FRAS1: variants seen among roughly 807,000 people sequenced by gnomAD.
FRAS1 encodes extracellular matrix organizing protein FRAS1.
A neutral mutation model predicts 435.2 loss-of-function variants in FRAS1; 290 were observed. The ratio of observed to expected loss-of-function variants is 0.67; its 90% confidence interval spans 0.61 to 0.73. FRAS1 has a LOEUF of 0.73. Among genes scored for constraint, FRAS1 ranks in the 30% least tolerant of loss-of-function variants. FRAS1 has a pLI of 0.00. For missense variants in FRAS1, 4,860 were observed against 5,001.5 expected (o/e 0.97, Z 0.85); for synonymous variants, 1,800 against 1,851.0 (o/e 0.97, Z 0.71).
intron 18 of FRAS1, among the ~76,000 whole-genome samples, chr4:78,331,950 G>T (rs1191976440): frequency 6.6e-6 from 1 of 152,182 alleles, no homozygotes; most frequent in Admixed American, 6.5e-5. Flanking sequence ...AGCATAAAAG[G>T]CCACAAAGGG....
intron 29 of FRAS1, among the ~76,000 whole-genome samples, chr4:78,389,195 C>T (rs1017549282): frequency 6.6e-6 from 1 of 152,222 alleles, no homozygotes; most frequent in Non-Finnish European, 1.5e-5. Context: ...ATGCCCTTTA[C>T]TCAGTTGCAT....
chr4:78,262,585 G>A (rs1383329994), intron 6 of FRAS1, among the ~76,000 whole-genome samples: 1 of 152,158 alleles, frequency 6.6e-6, no homozygotes, highest in Non-Finnish European at 1.5e-5. Context: ...TGGACTGTTT[G>A]TCTTACTCTT....
intron 14 of FRAS1, among the ~76,000 whole-genome samples, chr4:78,301,846 GTTTTTTT>G (rs59794614): frequency 3.8e-5 from 4 of 103,936 alleles, no homozygotes; most frequent in Admixed American, 2.2e-4. Context: ...CACAGAAACA[GTTTTTTT>G]TTTTTTTTTT....
intron 2 of FRAS1, among the ~76,000 whole-genome samples, chr4:78,207,987 T>C (rs185385230): frequency 1.2e-4 from 19 of 152,164 alleles, no homozygotes; most frequent in Middle Eastern, 6.8e-3. Flanking sequence ...ACTGCAGGAA[T>C]AAACCAGAAA....
intron 66 of FRAS1, among the ~76,000 whole-genome samples, chr4:78,517,378 C>G (rs908738585): frequency 1.3e-5 from 2 of 152,140 alleles, no homozygotes; most frequent in African/African-American, 4.8e-5. Flanking sequence ...TTAGTATTCT[C>G]TGTTCTTTAT....
intron 2 of FRAS1, among the ~76,000 whole-genome samples, chr4:78,174,080 G>A (rs988460431): frequency 6.6e-6 from 1 of 152,162 alleles, no homozygotes; most frequent in Non-Finnish European, 1.5e-5. Flanking sequence ...AGCTGAATCC[G>A]GGAGATCAGA....
intron 62 of FRAS1, among the ~76,000 whole-genome samples, chr4:78,507,842 A>T (rs1261379657): frequency 2.6e-5 from 4 of 152,170 alleles, no homozygotes; most frequent in Admixed American, 2.6e-4. Context: ...AAAGCCAGGG[A>T]TACTCCTAAA....
At chr4:78,295,285 G>A (rs1728095498) in intron 14 of FRAS1, among the ~76,000 whole-genome samples, 1 of 152,120 alleles carries the variant, frequency 6.6e-6, no homozygotes, top group Non-Finnish European at 1.5e-5. Flanking sequence ...AAAGGTTTAT[G>A]TACAGTGTTT....
chr4:78,468,742 G>C (rs1355223041), intron 50 of FRAS1, among the ~76,000 whole-genome samples: 1 of 152,170 alleles, frequency 6.6e-6, no homozygotes, highest in Non-Finnish European at 1.5e-5. Flanking sequence ...CTTCAATTCT[G>C]GTGAAAGGTG....
chr4:78,438,619 C>A lies in FRAS1; in HGVS notation c.5267C>A (p.Pro1756His), dbSNP rs772717480. 1.7e-5 allele frequency: 27 copies of A among 1,613,614 alleles called. No individual in the cohort carries two copies. The highest frequency in any genetic ancestry group is 2.3e-5 in the Non-Finnish European group (27 of 1,179,730). ...ATCTGGATTCAGTTAAATTATCTGC[C>A]CTCATATGGTACTCTCTTAAGAATC... ...PEIWIQLNYL[P>H]SYGTLLRISG... The change falls in exon 39 of 74, where the codon CCC (proline) becomes CAC (histidine). Residue 1756 changes from proline (P) to histidine (H), a missense_variant. Coordinates refer to ENST00000512123, the MANE Select transcript of FRAS1 (RefSeq NM_025074.7).
intron 20 of FRAS1, among the ~76,000 whole-genome samples, chr4:78,338,847 G>A (rs569894): frequency 0.14 from 21,469 of 152,220 alleles, 2,106 homozygotes; most frequent in African/African-American, 0.28. Context: ...CCTGTGGCTG[G>A]TGGTGCCATG....
At chr4:78,423,705 C>T (rs911717913) in intron 34 of FRAS1, among the ~76,000 whole-genome samples, 2 of 152,122 alleles carry the variant, frequency 1.3e-5, no homozygotes, top group East Asian at 1.9e-4. Flanking sequence ...AAATCTCTAA[C>T]GGTGGGTATA....
chr4:78,257,022 C>G (rs1725828587), intron 6 of FRAS1, among the ~76,000 whole-genome samples: 1 of 152,114 alleles, frequency 6.6e-6, no homozygotes, highest in African/African-American at 2.4e-5. Flanking sequence ...TACCTACCAC[C>G]ACCACCATCA....
intron 14 of FRAS1, among the ~76,000 whole-genome samples, chr4:78,297,723 A>G (rs368726853): frequency 2.6e-5 from 4 of 152,162 alleles, no homozygotes; most frequent in Admixed American, 2.0e-4. Context: ...TATTGCCACA[A>G]TGTTCACAAT....
At chr4:78,165,785 G>C (rs1215129636) in intron 2 of FRAS1, among the ~76,000 whole-genome samples, 1 of 152,154 alleles carries the variant, frequency 6.6e-6, no homozygotes, top group Non-Finnish European at 1.5e-5. Flanking sequence ...AACAAGATGA[G>C]AGCATTACAT....
At chr4:78,154,208 C>T (rs879646529) in intron 2 of FRAS1, among the ~76,000 whole-genome samples, 11 of 151,978 alleles carry the variant, frequency 7.2e-5, no homozygotes, top group Non-Finnish European at 1.3e-4. Flanking sequence ...TACTCACTAT[C>T]GGGGTTGGTG....
intron 2 of FRAS1, among the ~76,000 whole-genome samples, chr4:78,196,947 T>C (rs910725780): frequency 1.2e-4 from 18 of 152,126 alleles, no homozygotes; most frequent in African/African-American, 3.9e-4. Context: ...TTGGTTGCAA[T>C]GCAGGGAAGT....
chr4:78,245,571 G>C (rs1725200943), intron 4 of FRAS1, among the ~76,000 whole-genome samples: 1 of 152,156 alleles, frequency 6.6e-6, no homozygotes, highest in Non-Finnish European at 1.5e-5. Context: ...AAGTTGTGAT[G>C]CTGAATAGTA....
chr4:78,448,174 C>A lies in FRAS1; in HGVS notation c.6132C>A (p.Val2044=). Residue 2044 remains valine (V), a synonymous_variant, in exon 44 of 74, where the codon GTC becomes GTA. Transcript: ENST00000512123. ...LAGLVGYVPS[V]PGMVVDEFQF... is the part of the protein sequence containing the mutation. ...GGCTGGTTGGGTATGTGCCTAGTGT[C>A]CCTGGCATGGTCGTGGATGAGTTCC... 2 of 1,613,626 alleles carry A rather than the reference C, an allele frequency of 1.2e-6. No individual in the cohort carries two copies. The highest frequency in any genetic ancestry group is 2.2e-5 in the East Asian group (1 of 44,880).
Sources: gnomAD v4.1 joint callset for allele counts (sites outside exome capture counted in the v4.1 genomes callset) on GRCh38, gnomAD v4.1.1 for gene constraint, MANE v1.5 for transcripts, NCBI Gene and HGNC (gene_info 2026-07-23, HGNC 2026-07-21) for gene names.